Variants in CTNNA3 observed in about 807,000 individuals in gnomAD.
CTNNA3 encodes the protein catenin alpha 3, also known as catenin alpha-3.
In CTNNA3, 76 loss-of-function variants were observed where a neutral mutation model predicts 95.7. The ratio of observed to expected loss-of-function variants is 0.79; its 90% confidence interval spans 0.66 to 0.96. The LOEUF (loss-of-function observed/expected upper bound fraction) is 0.96, where lower values mean the gene tolerates loss of function less well. CTNNA3 is among the 40% of genes least tolerant of loss of function. The pLI is 0.00. For synonymous variants in CTNNA3, 431 were observed against 374.4 expected (o/e 1.15, Z -1.74); for missense variants, 1,191 against 1,089.8 (o/e 1.09, Z -1.31).
Position 65,970,689 on chromosome 10 carries a change from G to C in CTNNA3, c.2266-3943C>G, listed in dbSNP as rs148491524. Among the ~76,000 whole-genome samples, 1,178 of 147,410 alleles carry C rather than the reference G, an allele frequency of 8.0e-3. 11 individuals are homozygous for C. Among genetic ancestry groups the C allele is most frequent in the African/African-American group, 0.028 (1,130 of 40,634 alleles). On this transcript the variant is annotated intron_variant, in intron 16 of 17. Transcript: ENST00000433211. The stretch of plus-strand genomic sequence containing the variant: ...AAATATAATATATATAACATATTAG[G>C]TAAAATATATGTATTTTAAAATATA...
chr10:66,327,560 T>C (rs1314187217), intron 12 of CTNNA3, among the ~76,000 whole-genome samples: 1 of 152,022 alleles, frequency 6.6e-6, no homozygotes, highest in Non-Finnish European at 1.5e-5. Context: ...ATATATTTCT[T>C]TGCCATTGTC....
intron 3 of CTNNA3, among the ~76,000 whole-genome samples, chr10:67,588,772 G>A (rs12251045): frequency 0.1 from 15,654 of 151,632 alleles, 1,608 homozygotes; most frequent in African/African-American, 0.26. Flanking sequence ...ATTTTACTAG[G>A]AATCTAAAAA....
intron 10 of CTNNA3, among the ~76,000 whole-genome samples, chr10:66,612,500 T>A (rs1844362026): frequency 6.6e-6 from 1 of 152,084 alleles, no homozygotes; most frequent in Admixed American, 6.6e-5. Context: ...TGGGGCAACA[T>A]CACTTTACTG....
At chr10:67,571,685 T>G (rs1841983882) in intron 3 of CTNNA3, among the ~76,000 whole-genome samples, 1 of 152,014 alleles carries the variant, frequency 6.6e-6, no homozygotes, top group South Asian at 2.1e-4. Flanking sequence ...TGGAGTCCCG[T>G]CAAGTGAAAT....
intron 5 of CTNNA3, among the ~76,000 whole-genome samples, chr10:67,295,856 T>C (rs1303945238): frequency 6.6e-6 from 1 of 152,226 alleles, no homozygotes; most frequent in African/African-American, 2.4e-5. Context: ...ATACTACTTA[T>C]CACATTTATC....
rs144669142 is a variant in CTNNA3 at position 67,713,836 on chromosome 10, G to A, written c.-2+49598C>T. Among the ~76,000 whole-genome samples the A allele has an allele frequency of 1.4e-4, 21 of 151,428 alleles. No homozygotes were observed. The East Asian group carries it at 4.1e-3, about 30-fold the overall frequency. On this transcript the variant is annotated intron_variant, in intron 1 of 17. Coordinates refer to the CTNNA3 transcript ENST00000684154. ...GCATTAAGACAAATACCTAACGCAT[G>A]AGGGACTTAAAACCTAGATGACGGG...
chr10:67,762,551 G>A (rs1485410776), intron 1 of CTNNA3, among the ~76,000 whole-genome samples: 1 of 152,152 alleles, frequency 6.6e-6, no homozygotes, highest in East Asian at 1.9e-4. Flanking sequence ...CAACTGCACA[G>A]AAGGAAAGAT....
chr10:66,612,747 C>T (rs548802586), intron 10 of CTNNA3, among the ~76,000 whole-genome samples: 1 of 152,180 alleles, frequency 6.6e-6, no homozygotes, highest in East Asian at 1.9e-4. Context: ...TTTTCAATTT[C>T]TATTACATGT....
chr10:66,591,819 T>C (rs1589462443), intron 10 of CTNNA3, among the ~76,000 whole-genome samples: 2 of 152,106 alleles, frequency 1.3e-5, no homozygotes, highest in South Asian at 4.1e-4. Context: ...CAAATAAGCA[T>C]TGGCGAGTTA....
chr10:66,490,003 T>C (rs1000556964), intron 11 of CTNNA3, among the ~76,000 whole-genome samples: 2 of 152,212 alleles, frequency 1.3e-5, no homozygotes, highest in African/African-American at 4.8e-5. Context: ...ATTGTCAGCA[T>C]AGAGTAAAGC....
intron 5 of CTNNA3, among the ~76,000 whole-genome samples, chr10:67,516,952 A>G (rs1353146552): frequency 6.6e-6 from 1 of 152,166 alleles, no homozygotes; most frequent in Admixed American, 6.5e-5. Flanking sequence ...TTTAAGGCTA[A>G]ATAATATTTC....
chr10:66,402,066 A>G (rs1030565877), intron 11 of CTNNA3, among the ~76,000 whole-genome samples: 4 of 152,198 alleles, frequency 2.6e-5, no homozygotes, highest in African/African-American at 9.6e-5. Context: ...ACAAAATAAT[A>G]ACTGATTTCA....
chr10:67,110,179 A>G (rs1310898606), intron 7 of CTNNA3, among the ~76,000 whole-genome samples: 3 of 152,242 alleles, frequency 2.0e-5, no homozygotes, highest in African/African-American at 2.4e-5. Context: ...AACTACTTCT[A>G]TTAAATACCT....
chr10:66,653,818 T>C (rs538774727), intron 9 of CTNNA3, among the ~76,000 whole-genome samples: 5 of 152,038 alleles, frequency 3.3e-5, no homozygotes, highest in Admixed American at 1.3e-4. Context: ...GATCAACTAA[T>C]CTCTGATGAG....
rs1441062015 is a variant in CTNNA3 at position 65,973,579 on chromosome 10, C to T, written c.2266-6833G>A. Among the ~76,000 whole-genome samples the T allele has an allele frequency of 2.0e-5, 3 of 152,064 alleles. No homozygotes were observed. In the South Asian group the frequency reaches 6.2e-4, roughly 32 times the overall value. Reference sequence around the variant, plus strand: ...AATTGCTACAAAAAAATACTTCAGACTGGGTAATTTATAAAGAAAAGAAGT... The same window carrying T: ...AATTGCTACAAAAAAATACTTCAGATTGGGTAATTTATAAAGAAAAGAAGT... On this transcript the variant is annotated intron_variant, in intron 16 of 17. Coordinates refer to ENST00000433211, the MANE Select transcript of CTNNA3 (RefSeq NM_013266.4).
chr10:67,671,799 T>G (rs377655271), intron 1 of CTNNA3, among the ~76,000 whole-genome samples: 235 of 151,592 alleles, frequency 1.6e-3, no homozygotes, highest in African/African-American at 4.6e-3. Flanking sequence ...TTGCTATTGT[T>G]AATAGTGCCA....
chr10:66,784,962 G>A (rs541640027), intron 7 of CTNNA3, among the ~76,000 whole-genome samples: 121 of 152,294 alleles, frequency 7.9e-4, no homozygotes, highest in African/African-American at 2.8e-3. Flanking sequence ...GTGAAAGGAG[G>A]TCGGCTACTT....
intron 5 of CTNNA3, among the ~76,000 whole-genome samples, chr10:67,234,836 T>A (rs1304240599): frequency 1.3e-5 from 2 of 151,036 alleles, no homozygotes; most frequent in Non-Finnish European, 2.9e-5. Context: ...AAAATCAATG[T>A]ACAAAAATCA....
chr10:66,333,652 T>C (rs1399902983), intron 12 of CTNNA3, among the ~76,000 whole-genome samples: 5 of 151,918 alleles, frequency 3.3e-5, no homozygotes, highest in African/African-American at 1.2e-4. Context: ...CTTCCAACTA[T>C]GTGGTCAATT....
Sources: allele counts gnomAD v4.1 joint callset (sites outside exome capture counted in the v4.1 genomes callset), GRCh38; gene constraint gnomAD v4.1.1; transcripts MANE v1.5; gene names NCBI Gene and HGNC (gene_info 2026-07-23, HGNC 2026-07-21).